Variants in STRBP observed in about 807,000 individuals in gnomAD.
STRBP encodes spermatid perinuclear RNA-binding protein.
STRBP carries 13 observed loss-of-function variants against 80.1 expected under a neutral mutation model. The ratio of observed to expected loss-of-function variants is 0.16; its 90% CI spans 0.11 to 0.26. STRBP has a LOEUF of 0.26. Among genes scored for constraint, STRBP ranks in the 10% least tolerant of loss-of-function variants. STRBP has a pLI of 1.00. For synonymous variants in STRBP, 284 were observed against 291.2 expected (o/e 0.98, Z 0.25); for missense variants, 485 against 815.2 (o/e 0.59, Z 4.93).
At chr9:123,165,755 C>T (rs1267964618) in intron 6 of STRBP, among the ~76,000 whole-genome samples, 1 of 152,114 alleles carries the variant, frequency 6.6e-6, no homozygotes, top group African/African-American at 2.4e-5. Flanking sequence ...GGGAAGTGGC[C>T]TGCATACTAG....
At chr9:123,229,975 G>C (rs2040352843) in intron 2 of STRBP, among the ~76,000 whole-genome samples, 1 of 152,192 alleles carries the variant, frequency 6.6e-6, no homozygotes, top group African/African-American at 2.4e-5. Flanking sequence ...CACAGGTACA[G>C]GTGCAGATTA....
At chr9:123,116,744 G>A (rs1302026817), downstream of STRBP, among the ~76,000 whole-genome samples, 1 of 152,262 alleles carries the variant, frequency 6.6e-6, no homozygotes, top group Middle Eastern at 3.4e-3. Context: ...GCCTACTAGC[G>A]ACGCAAACCA....
At chr9:123,221,764 T>G (rs769781078) in intron 2 of STRBP, among the ~76,000 whole-genome samples, 1 of 152,236 alleles carries the variant, frequency 6.6e-6, no homozygotes, top group Non-Finnish European at 1.5e-5. Flanking sequence ...TGATGGTGCA[T>G]AGCTCTTACT....
At chr9:123,176,337 G>A (rs1388022470) in intron 4 of STRBP, among the ~76,000 whole-genome samples, 3 of 152,228 alleles carry the variant, frequency 2.0e-5, no homozygotes, top group Middle Eastern at 3.4e-3. Context: ...TCCCTGCTCT[G>A]TACTTTCACA....
intron 14 of STRBP, among the ~76,000 whole-genome samples, chr9:123,138,974 C>A (rs978461919): frequency 1.3e-5 from 2 of 152,142 alleles, no homozygotes; most frequent in Non-Finnish European, 2.9e-5. Flanking sequence ...TGTGTATACT[C>A]AGTACTTGGA....
chr9:123,193,391 C>T (rs1051053450), intron 2 of STRBP, among the ~76,000 whole-genome samples: 6 of 152,158 alleles, frequency 3.9e-5, no homozygotes, highest in Non-Finnish European at 5.9e-5. Flanking sequence ...ACCACAGTGA[C>T]TAACAGGGAA....
chr9:123,224,918 T>C (rs769955513), intron 2 of STRBP, among the ~76,000 whole-genome samples: 2 of 152,232 alleles, frequency 1.3e-5, no homozygotes, highest in Admixed American at 6.5e-5. Flanking sequence ...AATATGTTCA[T>C]AGCAGTACTT....
intron 3 of STRBP, among the ~76,000 whole-genome samples, chr9:123,181,826 A>G (rs943672336): frequency 1.0e-4 from 15 of 148,572 alleles, no homozygotes; most frequent in Non-Finnish European, 1.8e-4. Context: ...AAAAAAAAAA[A>G]AAAAAAAAAA....
intron 2 of STRBP, among the ~76,000 whole-genome samples, chr9:123,201,331 G>C (rs1564293314): frequency 6.6e-6 from 1 of 152,096 alleles, no homozygotes; most frequent in African/African-American, 2.4e-5. Flanking sequence ...CTGAAATTCT[G>C]ATGTAGGCAT....
At chr9:123,185,337 C>T (rs570992810) in intron 2 of STRBP, among the ~76,000 whole-genome samples, 5 of 152,160 alleles carry the variant, frequency 3.3e-5, no homozygotes, top group African/African-American at 1.2e-4. Flanking sequence ...GAGGCCAAGA[C>T]GGGAGGATTG....
chr9:123,240,730 C>T (rs74694656), intron 1 of STRBP, among the ~76,000 whole-genome samples: 1 of 152,292 alleles, frequency 6.6e-6, no homozygotes, highest in East Asian at 1.9e-4. Flanking sequence ...GTCCCAGGCC[C>T]CCTTCTCTGG....
chr9:123,258,800 C>CAAA (rs56654612), intron 1 of STRBP, among the ~76,000 whole-genome samples: 1 of 101,120 alleles, frequency 9.9e-6, no homozygotes, highest in Non-Finnish European at 2.0e-5. Context: ...GACTCCGTCT[C>CAAA]AAAAAAAAAA....
rs776214876 is a variant in STRBP, at chr9:123,178,967, G to A, written c.224+40C>T. ...CCAGCAGACCTTAGAGCTTTGCTGTGCACTCTAGCACAGCGTCCCAGAGGT... is the reference window on the plus strand; with the variant it reads ...CCAGCAGACCTTAGAGCTTTGCTGTACACTCTAGCACAGCGTCCCAGAGGT... On this transcript the variant is annotated intron_variant, in intron 4 of 18. Coordinates refer to ENST00000348403, the MANE Select transcript of STRBP (RefSeq NM_018387.5). 5 of 1,587,960 alleles carry A rather than the reference G, an allele frequency of 3.1e-6. No individual in the cohort carries two copies. In the South Asian group the frequency reaches 4.4e-5, roughly 14 times the overall value.
At chr9:123,166,808 C>G (rs887490192) in intron 6 of STRBP, among the ~76,000 whole-genome samples, 2 of 151,926 alleles carry the variant, frequency 1.3e-5, no homozygotes, top group African/African-American at 4.8e-5. Context: ...ACAAGCCAAA[C>G]GAAAGACTGC....
intron 1 of STRBP, among the ~76,000 whole-genome samples, chr9:123,258,923 T>G (rs943554658): frequency 6.6e-6 from 1 of 152,084 alleles, no homozygotes; most frequent in Non-Finnish European, 1.5e-5. Context: ...CAGAAGGACT[T>G]GATAGGACTT....
chr9:123,168,126 A>G, intron 6 of STRBP: 1 of 689,918 alleles, frequency 1.4e-6, no homozygotes, highest in Non-Finnish European at 1.8e-6. Flanking sequence ...TAATACCTAT[A>G]ATTACAACAC....
At chr9:123,212,970 A>G (rs921028697) in intron 2 of STRBP, among the ~76,000 whole-genome samples, 108 of 152,244 alleles carry the variant, frequency 7.1e-4, no homozygotes, top group African/African-American at 2.5e-3. Context: ...ACTAGACTTC[A>G]AAGAAAATTA....
intron 1 of STRBP, among the ~76,000 whole-genome samples, chr9:123,244,294 G>A (rs1019122283): frequency 2.0e-5 from 3 of 152,180 alleles, no homozygotes; most frequent in Admixed American, 6.5e-5. Context: ...TGGTTGCCAC[G>A]AACTGGGGGT....
In STRBP at chr9:123,139,558, A is replaced by G. The variant is rs1564226925; in HGVS notation, c.1468T>C (p.Ser490Pro). The G allele has an allele frequency of 1.2e-6, 2 of 1,611,912 alleles. No homozygotes were observed. Among genetic ancestry groups the G allele is most frequent in the Non-Finnish European group, 1.7e-6 (2 of 1,179,464 alleles). The change falls in exon 14 of 19, where the codon TCT (serine) becomes CCT (proline). Residue 490 changes from serine to proline, a missense_variant. Ser to Pro is a moderately conservative substitution (Grantham distance 74, BLOSUM62 -1). Coordinates refer to ENST00000348403, the MANE Select transcript of STRBP (RefSeq NM_018387.5). ...AAGGTACTGGAGGTTTCAGTTGTAG[A>G]ATTTCCAGTATTATTGCTTGAGTTT... ...SSNSSNNTGNSTTETSSTLEV... is the reference protein window; with the variant it reads ...SSNSSNNTGNPTTETSSTLEV...
Sources: gnomAD v4.1 joint callset for allele counts (sites outside exome capture counted in the v4.1 genomes callset) on GRCh38, gnomAD v4.1.1 for gene constraint, MANE v1.5 for transcripts, NCBI Gene and HGNC (gene_info 2026-07-23, HGNC 2026-07-21) for gene names.